MAP2K1: variants seen among roughly 807,000 people sequenced by gnomAD.
The protein encoded by MAP2K1 is mitogen-activated protein kinase kinase 1.
In MAP2K1, 16 loss-of-function variants were observed where a neutral mutation model predicts 46.3. The observed-to-expected ratio is 0.35, with a 90% CI of 0.23 to 0.52. MAP2K1 has a LOEUF of 0.52. Among genes scored for constraint, MAP2K1 ranks in the 20% least tolerant of loss-of-function variants. MAP2K1 has a pLI of 0.94. For synonymous variants in MAP2K1, 183 were observed against 185.6 expected (o/e 0.99, Z 0.11); for missense variants, 263 against 497.1 (o/e 0.53, Z 4.48).
At chr15:66,417,125 T>C (rs2093426498) in intron 1 of MAP2K1, among the ~76,000 whole-genome samples, 1 of 152,150 alleles carries the variant, frequency 6.6e-6, no homozygotes, top group African/African-American at 2.4e-5. Context: ...CCCCACATCT[T>C]TTTTCAGAAG....
chr15:66,481,912 T>A (rs930987602), intron 6 of MAP2K1, 33 bp downstream of exon 6: 5 of 1,609,054 alleles, frequency 3.1e-6, no homozygotes, highest in Non-Finnish European at 4.2e-6. Flanking sequence ...CTTGAGCTTC[T>A]TGTACGGTCA....
chr15:66,431,688 T>A (rs762091060), intron 1 of MAP2K1, among the ~76,000 whole-genome samples: 42 of 152,188 alleles, frequency 2.8e-4, no homozygotes, highest in Non-Finnish European at 5.4e-4. Flanking sequence ...AAATTCTTAT[T>A]TTTTTGTTGT....
intron 1 of MAP2K1, among the ~76,000 whole-genome samples, chr15:66,427,081 G>T (rs1177362979): frequency 6.6e-6 from 1 of 152,102 alleles, no homozygotes; most frequent in Non-Finnish European, 1.5e-5. Context: ...GCACTAGAAG[G>T]CCCTCAGTAA....
At chr15:66,465,736 C>T (rs1356464947) in intron 5 of MAP2K1, among the ~76,000 whole-genome samples, 2 of 152,094 alleles carry the variant, frequency 1.3e-5, no homozygotes, top group Non-Finnish European at 2.9e-5. Flanking sequence ...GTTTTTGAAA[C>T]GTATTTTTTC....
At chr15:66,477,756 A>G (rs1279091651) in intron 5 of MAP2K1, among the ~76,000 whole-genome samples, 2 of 152,164 alleles carry the variant, frequency 1.3e-5, no homozygotes, top group African/African-American at 4.8e-5. Context: ...GTGGCCTGGC[A>G]TGGATGAGAG....
intron 1 of MAP2K1, 146 bp downstream of exon 1, chr15:66,387,573 G>A: frequency 2.5e-6 from 2 of 788,782 alleles, no homozygotes; most frequent in Non-Finnish European, 4.3e-6. Flanking sequence ...CCGAGGTATC[G>A]GTGACTAAGC....
At position 66,435,487 on chromosome 15, in the gene MAP2K1, G is replaced by A. The variant is rs150203813; in HGVS notation, c.291+250G>A. Among the ~76,000 whole-genome samples, 7 of 151,844 alleles carry A rather than the reference G, an allele frequency of 4.6e-5. No homozygotes were observed. In the East Asian group the frequency reaches 1.4e-3, roughly 30 times the overall value. On this transcript the variant is annotated intron_variant, in intron 2 of 10. Coordinates refer to ENST00000307102, the MANE Select transcript of MAP2K1 (RefSeq NM_002755.4). The stretch of plus-strand genomic sequence containing the variant: ...ATTACAGGCATGCGCCACCATGCAT[G>A]GCTAATTTTTTTGTATTTTTAGTAG...
At chr15:66,413,417 G>T (rs1408588489) in intron 1 of MAP2K1, among the ~76,000 whole-genome samples, 1 of 152,152 alleles carries the variant, frequency 6.6e-6, no homozygotes, top group Non-Finnish European at 1.5e-5. Flanking sequence ...CAACTAACCT[G>T]CTCTAGCCAG....
In MAP2K1 at chr15:66,482,025, T is replaced by C. The variant is rs765070213; in HGVS notation, c.693+146T>C. 1.7e-4 allele frequency: 169 copies of C among 1,003,124 alleles called. 1 individual carries two copies. The highest frequency in any genetic ancestry group is 2.3e-4 in the Non-Finnish European group (152 of 662,450). 62.1% of individuals were successfully genotyped at this position (1,003,124 alleles called of 1,614,324 possible). On this transcript the variant is annotated intron_variant, in intron 6 of 10. Coordinates refer to ENST00000307102, the MANE Select transcript of MAP2K1 (RefSeq NM_002755.4). ...GGCACAGTGCTCTGCCCTGAGGAGA[T>C]GAAGTTGAATGGGAAGATGGTCTTG... is the stretch of plus-strand genomic sequence containing the variant.
intron 5 of MAP2K1, among the ~76,000 whole-genome samples, chr15:66,462,192 G>C (rs1892339669): frequency 6.6e-6 from 1 of 152,062 alleles, no homozygotes; most frequent in Non-Finnish European, 1.5e-5. Flanking sequence ...CAAAGAAAAA[G>C]CTGGGGGTTA....
intron 5 of MAP2K1, among the ~76,000 whole-genome samples, chr15:66,473,532 A>G (rs1046985276): frequency 3.3e-5 from 5 of 152,134 alleles, no homozygotes; most frequent in African/African-American, 1.2e-4. Flanking sequence ...CAAAAAAAAG[A>G]GTGCTGTCAG....
At chr15:66,418,841 T>C (rs963349525) in intron 1 of MAP2K1, among the ~76,000 whole-genome samples, 1 of 151,080 alleles carries the variant, frequency 6.6e-6, no homozygotes, top group South Asian at 2.1e-4. Flanking sequence ...AGAGAGAGGG[T>C]TTCAATGTGT....
At chr15:66,488,776 C>G (rs573445546) in intron 8 of MAP2K1, 2 of 213,356 alleles carry the variant, frequency 9.4e-6, no homozygotes, top group Non-Finnish European at 1.9e-5. Context: ...GTGGTTTGCA[C>G]GTGCCCCTAG....
chr15:66,389,858 C>G (rs548890224), intron 1 of MAP2K1, among the ~76,000 whole-genome samples: 2 of 152,152 alleles, frequency 1.3e-5, no homozygotes, highest in Non-Finnish European at 2.9e-5. Context: ...AGCCCGGCCT[C>G]TGTTGTGGTT....
At chr15:66,401,793 C>G (rs1204662871) in intron 1 of MAP2K1, 2 of 520,672 alleles carry the variant, frequency 3.8e-6, no homozygotes, top group East Asian at 8.1e-5. Context: ...TGAAGGATGG[C>G]TAGGATTCCA....
rs545251693 is a variant in MAP2K1, at chr15:66,418,139, C to G, written c.81-16888C>G. On this transcript the variant is annotated intron_variant, in intron 1 of 10. Transcript: ENST00000307102. ...AGAGTTTTGGGGAATTTAAATACCC[C>G]CTAGAGGATTCCATTTGTTATTTTG... Among the ~76,000 whole-genome samples, 12 of 152,242 alleles carry G rather than the reference C, an allele frequency of 7.9e-5. 2 individuals carry two copies. Among genetic ancestry groups the G allele is most frequent in the African/African-American group, 2.6e-4 (11 of 41,534 alleles).
chr15:66,429,336 A>C (rs531565739), intron 1 of MAP2K1, among the ~76,000 whole-genome samples: 69 of 151,434 alleles, frequency 4.6e-4, no homozygotes, highest in Admixed American at 4.5e-3. Context: ...ATCAGCTCTC[A>C]TGAGAATTCA....
rs2140667231 is a variant in MAP2K1 at position 66,481,755 on chromosome 15, A to T, written c.569A>T (p.Asp190Val). 6.2e-7 allele frequency: 1 copy of T among 1,612,256 alleles called. No individual in the cohort carries two copies. The highest frequency in any genetic ancestry group is 8.5e-7 in the Non-Finnish European group (1 of 1,179,752). ...CTTTTCTATTTTCTCTTCCCTGCAG[A>T]TGTCAAGCCCTCCAACATCCTAGTC... ...LREKHKIMHRDVKPSNILVNS... is the reference protein window; with the variant it reads ...LREKHKIMHRVVKPSNILVNS... Residue 190 changes from aspartate (D) to valine (V), a missense_variant and splice_region_variant, in exon 6 of 11, where the codon GAT (aspartate) becomes GTT (valine). Asp to Val is a radical substitution (Grantham distance 152). Transcript: ENST00000307102.
At chr15:66,423,604 ATT>A (rs142169839) in intron 1 of MAP2K1, among the ~76,000 whole-genome samples, 6 of 113,144 alleles carry the variant, frequency 5.3e-5, no homozygotes, top group Non-Finnish European at 3.4e-5. Context: ...TGCCAGGCTA[ATT>A]TTTTTTTTTT....
Sources: gnomAD v4.1 joint callset for allele counts (sites outside exome capture counted in the v4.1 genomes callset) on GRCh38, gnomAD v4.1.1 for gene constraint, MANE v1.5 for transcripts, NCBI Gene and HGNC (gene_info 2026-07-23, HGNC 2026-07-21) for gene names.